Variants in DLGAP2 observed in about 807,000 individuals in gnomAD.
DLGAP2 encodes the protein disks large-associated protein 2.
In DLGAP2, 26 loss-of-function variants were observed where a neutral mutation model predicts 100.3. That is an observed-to-expected ratio of 0.26 (90% confidence interval 0.19 to 0.36). DLGAP2 has a LOEUF of 0.36. DLGAP2 is among the 10% of genes least tolerant of loss of function. DLGAP2 has a pLI of 1.00. For missense variants in DLGAP2, 1,858 were observed against 1,453.2 expected (o/e 1.28, Z -4.53); for synonymous variants, 886 against 630.1 (o/e 1.41, Z -6.08).
chr8:1,246,851 G>T (rs141261457), intron 2 of DLGAP2: 1 of 146,914 alleles, frequency 6.8e-6, no homozygotes, highest in Non-Finnish European at 1.5e-5. Context: ...GTCGGTGGCC[G>T]GGAAGACCTT....
At chr8:1,228,523 C>T (rs184716852) in intron 2 of DLGAP2, among the ~76,000 whole-genome samples, 4 of 152,178 alleles carry the variant, frequency 2.6e-5, no homozygotes, top group Non-Finnish European at 5.9e-5. Context: ...AAACCAGTGC[C>T]TCTTATGAAT....
chr8:1,161,098 G>T (rs567263333), intron 2 of DLGAP2, among the ~76,000 whole-genome samples: 21 of 152,260 alleles, frequency 1.4e-4, no homozygotes, highest in African/African-American at 4.3e-4. Context: ...TACTTTTATG[G>T]CTGTTATTAC....
rs953808839 is a variant in DLGAP2, at chr8:1,252,111, AGTCAT to A, written c.74-6730_74-6726del. 8.2e-5 allele frequency among the ~76,000 whole-genome samples: 12 copies of A among 147,102 alleles called. No individual in the cohort carries two copies. The South Asian group carries it at 1.3e-3, about 16-fold the overall frequency. ...GTGTTGTCCTGGGTCACGGTGTCAA[AGTCAT>A]GTCATGTCACACTTGCCACACTGTG... On this transcript the variant is annotated intron_variant, in intron 2 of 14. Transcript: ENST00000637795.
chr8:909,816 C>A (rs888637049), intron 2 of DLGAP2, among the ~76,000 whole-genome samples: 5 of 152,170 alleles, frequency 3.3e-5, no homozygotes, highest in Admixed American at 2.6e-4. Flanking sequence ...GGGGAGAATT[C>A]TAGCTTTTAG....
At chr8:1,326,527 G>A (rs1247352452) in intron 3 of DLGAP2, among the ~76,000 whole-genome samples, 1 of 150,638 alleles carries the variant, frequency 6.6e-6, no homozygotes, top group Admixed American at 6.6e-5. Flanking sequence ...ACTCGGTCTC[G>A]GTCCGGTCCT....
chr8:1,475,306 T>TA (rs951531307), intron 3 of DLGAP2, among the ~76,000 whole-genome samples: 8 of 151,468 alleles, frequency 5.3e-5, no homozygotes, highest in African/African-American at 1.9e-4. Flanking sequence ...CCCTCAATTC[T>TA]AAAATAAACG....
intron 1 of DLGAP2, among the ~76,000 whole-genome samples, chr8:862,304 T>G (rs966177281): frequency 4.0e-5 from 6 of 151,298 alleles, no homozygotes; most frequent in Non-Finnish European, 7.4e-5. Flanking sequence ...CTCCAGTTTT[T>G]TTTTTTTTTT....
chr8:1,156,991 G>A (rs560898097), intron 2 of DLGAP2, among the ~76,000 whole-genome samples: 3 of 151,890 alleles, frequency 2.0e-5, no homozygotes, highest in African/African-American at 4.8e-5. Context: ...CTCCTCCCCC[G>A]AGTCCCCTCC....
At chr8:1,220,647 A>C (rs980310167) in intron 2 of DLGAP2, among the ~76,000 whole-genome samples, 2 of 152,124 alleles carry the variant, frequency 1.3e-5, no homozygotes, top group African/African-American at 2.4e-5. Context: ...TTAGGTCCCA[A>C]ATATCTTTGT....
chr8:1,435,346 A>G (rs1797586457), intron 3 of DLGAP2, among the ~76,000 whole-genome samples: 1 of 152,138 alleles, frequency 6.6e-6, no homozygotes, highest in Non-Finnish European at 1.5e-5. Context: ...TGACTACATC[A>G]CGCACCGCAC....
chr8:1,502,406 G>A (rs1799754510), intron 4 of DLGAP2, among the ~76,000 whole-genome samples: 1 of 152,244 alleles, frequency 6.6e-6, no homozygotes, highest in Non-Finnish European at 1.5e-5. Context: ...GTATAAAGCT[G>A]TGATTTTTGT....
At chr8:815,836 C>T (rs74830499) in intron 1 of DLGAP2, among the ~76,000 whole-genome samples, 2 of 152,180 alleles carry the variant, frequency 1.3e-5, no homozygotes, top group Non-Finnish European at 2.9e-5. Context: ...TCTCATTCAT[C>T]TCATTTTATC....
intron 6 of DLGAP2, among the ~76,000 whole-genome samples, chr8:1,597,721 A>T (rs1796503635): frequency 1.3e-5 from 2 of 152,220 alleles, no homozygotes; most frequent in South Asian, 4.1e-4. Context: ...TTGATTTTGT[A>T]TCCCGAGACT....
intron 6 of DLGAP2, among the ~76,000 whole-genome samples, chr8:1,589,108 G>C (rs557781410): frequency 1.3e-4 from 20 of 152,266 alleles, no homozygotes; most frequent in Admixed American, 4.6e-4. Context: ...CCCAATGGTG[G>C]TTATCTCTGG....
chr8:1,264,189 G>A (rs1799406368), intron 3 of DLGAP2, among the ~76,000 whole-genome samples: 1 of 152,122 alleles, frequency 6.6e-6, no homozygotes, highest in South Asian at 2.1e-4. Flanking sequence ...GATCCCCTGA[G>A]CCCCAAGAAC....
intron 4 of DLGAP2, among the ~76,000 whole-genome samples, chr8:1,539,173 A>C (rs1156814953): frequency 6.6e-6 from 1 of 152,162 alleles, no homozygotes; most frequent in African/African-American, 2.4e-5. Context: ...GGCATGAGCC[A>C]CGGCACCTGG....
chr8:966,265 G>A (rs143259284), intron 2 of DLGAP2, among the ~76,000 whole-genome samples: 2 of 152,318 alleles, frequency 1.3e-5, no homozygotes, highest in African/African-American at 2.4e-5. Flanking sequence ...AGTTGTCCAC[G>A]TTGGGGTATG....
intron 2 of DLGAP2, among the ~76,000 whole-genome samples, chr8:1,094,202 G>C (rs1430143691): frequency 6.6e-6 from 1 of 152,230 alleles, no homozygotes; most frequent in African/African-American, 2.4e-5. Context: ...AACTGGGACT[G>C]GCTGAGACTT....
chr8:1,509,980 C>T (rs915353521), intron 4 of DLGAP2, among the ~76,000 whole-genome samples: 1 of 152,172 alleles, frequency 6.6e-6, no homozygotes, highest in African/African-American at 2.4e-5. Flanking sequence ...CAGATGTCCA[C>T]GTTAACTTCA....
Sources: gnomAD v4.1 joint callset for allele counts (sites outside exome capture counted in the v4.1 genomes callset) on GRCh38, gnomAD v4.1.1 for gene constraint, MANE v1.5 for transcripts, NCBI Gene and HGNC (gene_info 2026-07-23, HGNC 2026-07-21) for gene names.